CAMTA1: variants seen among roughly 807,000 people sequenced by gnomAD.
The protein encoded by CAMTA1 is calmodulin binding transcription activator 1.
In CAMTA1, 27 loss-of-function variants were observed where a neutral mutation model predicts 170.9. The observed-to-expected ratio is 0.16, with a 90% CI of 0.12 to 0.22. CAMTA1 has a LOEUF of 0.22. Among genes scored for constraint, CAMTA1 ranks in the 10% least tolerant of loss-of-function variants. The probability of loss-of-function intolerance (pLI) is 1.00; values close to 1 mark genes in which losing one functional copy is unlikely to be tolerated. For missense variants in CAMTA1, 1,619 were observed against 2,217.2 expected (o/e 0.73, Z 5.42); for synonymous variants, 833 against 891.5 (o/e 0.93, Z 1.17).
At chr1:7,308,146 G>A (rs1378494762) in intron 5 of CAMTA1, among the ~76,000 whole-genome samples, 5 of 151,634 alleles carry the variant, frequency 3.3e-5, no homozygotes, top group Admixed American at 6.6e-5. Context: ...ATTTATCTAT[G>A]TGAAGTTGTT....
intron 5 of CAMTA1, among the ~76,000 whole-genome samples, chr1:7,464,595 G>A (rs932881078): frequency 1.3e-5 from 2 of 152,156 alleles, no homozygotes; most frequent in African/African-American, 4.8e-5. Context: ...GGGCCAAGGG[G>A]TGAATGGAAG....
intron 3 of CAMTA1, among the ~76,000 whole-genome samples, chr1:7,022,967 A>G (rs1460178177): frequency 6.6e-6 from 1 of 152,180 alleles, no homozygotes; most frequent in African/African-American, 2.4e-5. Context: ...TGGAGTTTCC[A>G]CAGTAAACCC....
intron 5 of CAMTA1, among the ~76,000 whole-genome samples, chr1:7,277,399 G>C (rs757029442): frequency 2.0e-5 from 3 of 151,874 alleles, no homozygotes; most frequent in Non-Finnish European, 2.9e-5. Context: ...TCAGGGTTCA[G>C]TTTCTGAACT....
chr1:7,487,845 C>T (rs887158228), intron 6 of CAMTA1, among the ~76,000 whole-genome samples: 1 of 152,186 alleles, frequency 6.6e-6, no homozygotes, highest in African/African-American at 2.4e-5. Flanking sequence ...TCCCCTCTGT[C>T]CAGGTTCTTT....
chr1:7,495,584 C>T (rs1440907031), intron 6 of CAMTA1, among the ~76,000 whole-genome samples: 1 of 152,222 alleles, frequency 6.6e-6, no homozygotes, highest in Non-Finnish European at 1.5e-5. Flanking sequence ...CTCTTGATGC[C>T]TGGCCTCTCA....
At chr1:7,012,463 A>G (rs939890868) in intron 3 of CAMTA1, among the ~76,000 whole-genome samples, 1 of 152,000 alleles carries the variant, frequency 6.6e-6, no homozygotes, top group Admixed American at 6.6e-5. Flanking sequence ...CCGTCAGCAT[A>G]CAAACATGCC....
Position 7,673,769 on chromosome 1 carries a change from G to A in CAMTA1, c.2779+2732G>A, listed in dbSNP as rs1318484683. On this transcript the variant is annotated intron_variant, in intron 10 of 22. Transcript: ENST00000303635. The surrounding 1 kb of genome is among the most constrained non-coding windows in gnomAD (Gnocchi z 4.6). ...GGCCCAAATTGGAACACATTGCTCT[G>A]TAAAACAGCACTGGATGTATTAATT... Among the ~76,000 whole-genome samples, 1 of 150,254 alleles carries A rather than the reference G, an allele frequency of 6.7e-6. No homozygotes were observed. The highest frequency in any genetic ancestry group is 2.4e-5 in the African/African-American group (1 of 40,924).
intron 4 of CAMTA1, among the ~76,000 whole-genome samples, chr1:7,135,196 G>A (rs1321825552): frequency 6.6e-6 from 1 of 152,100 alleles, no homozygotes; most frequent in Non-Finnish European, 1.5e-5. Context: ...AGACCAGCCC[G>A]GCCATCATGG....
chr1:7,024,443 G>A lies in CAMTA1; in HGVS notation c.235-66861G>A, dbSNP rs901090086. ...ATAAAATGGGGAAAATGCAAGATAG[G>A]GGCTGGCCTGCTGTCTGTATTTTAG... On this transcript the variant is annotated intron_variant, in intron 3 of 22. Coordinates refer to ENST00000303635, the MANE Select transcript of CAMTA1 (RefSeq NM_015215.4). 2.6e-5 allele frequency among the ~76,000 whole-genome samples: 4 copies of A among 152,288 alleles called. No individual in the cohort carries two copies. The South Asian group carries it at 8.3e-4, about 32-fold the overall frequency.
At chr1:6,877,865 A>G (rs912194656) in intron 3 of CAMTA1, among the ~76,000 whole-genome samples, 5 of 152,306 alleles carry the variant, frequency 3.3e-5, no homozygotes, top group East Asian at 1.9e-4. Flanking sequence ...GGTAGGGGAA[A>G]CTACCAAGGT....
In CAMTA1 at chr1:7,754,331, G is replaced by A. The variant is rs114358927; in HGVS notation, c.4959-1307G>A. ...AACCAGAATGTCTGCAAGTTAAGTC[G>A]TGCTAGACTTTTTCCTCCTTTCTTC... On this transcript the variant is annotated intron_variant, in intron 21 of 22. Coordinates refer to ENST00000303635, the MANE Select transcript of CAMTA1 (RefSeq NM_015215.4). 9.9e-3 allele frequency among the ~76,000 whole-genome samples: 1,506 copies of A among 152,238 alleles called. 29 individuals carry two copies. Among genetic ancestry groups the A allele is most frequent in the African/African-American group, 0.034 (1,418 of 41,522 alleles).
chr1:7,718,294 G>A (rs189163934), intron 11 of CAMTA1, among the ~76,000 whole-genome samples: 1 of 152,192 alleles, frequency 6.6e-6, no homozygotes, highest in Admixed American at 6.5e-5. Context: ...CGTTCTGGCC[G>A]GATTCTCCAT....
intron 3 of CAMTA1, among the ~76,000 whole-genome samples, chr1:7,038,706 A>T (rs1703992870): frequency 6.6e-6 from 1 of 152,248 alleles, no homozygotes; most frequent in African/African-American, 2.4e-5. Context: ...TTGAAACATT[A>T]GTTTTTATAA....
chr1:7,536,794 C>CGCTGCCT (rs2094554524), intron 6 of CAMTA1, among the ~76,000 whole-genome samples: 1 of 152,188 alleles, frequency 6.6e-6, no homozygotes, highest in Non-Finnish European at 1.5e-5. Flanking sequence ...AGTGCTGCCC[C>CGCTGCCT]GCTGCCTGCA....
intron 7 of CAMTA1, among the ~76,000 whole-genome samples, chr1:7,648,099 G>C (rs913783175): frequency 2.6e-5 from 4 of 152,032 alleles, no homozygotes; most frequent in Non-Finnish European, 5.9e-5. Flanking sequence ...AAAGAAGAGA[G>C]AGAAGAGAAG....
chr1:7,385,210 C>T (rs997452296), intron 5 of CAMTA1, among the ~76,000 whole-genome samples: 1 of 151,842 alleles, frequency 6.6e-6, no homozygotes, highest in Non-Finnish European at 1.5e-5. Flanking sequence ...CTGCCTCAGC[C>T]TCCTGAGTAG....
Position 7,661,785 on chromosome 1 carries a change from C to G in CAMTA1, c.724C>G (p.Gln242Glu). The G allele has an allele frequency of 6.2e-7, 1 of 1,613,428 alleles. No individual in the cohort carries two copies. The highest frequency in any genetic ancestry group is 8.5e-7 in the Non-Finnish European group (1 of 1,179,826). Residue 242 changes from glutamine to glutamate, a missense_variant, in exon 8 of 23, where the codon CAG (glutamine) becomes GAG (glutamate). Physicochemically the swap from Gln to Glu is conservative, Grantham distance 29. Coordinates refer to ENST00000303635, the MANE Select transcript of CAMTA1 (RefSeq NM_015215.4). ...GNSSSGFSVEQLVQQILDSHQ... is the reference protein window; with the variant it reads ...GNSSSGFSVEELVQQILDSHQ... ...CAGCAGCTCAGGCTTCTCGGTGGAA[C>G]AGCTGGTGCAGCAGATCCTCGACAG...
chr1:7,438,761 T>A (rs1446968795), intron 5 of CAMTA1, among the ~76,000 whole-genome samples: 1 of 152,116 alleles, frequency 6.6e-6, no homozygotes. Context: ...AGGGTCCTGG[T>A]GGAGCAGAAA....
At position 7,010,571 on chromosome 1, in the gene CAMTA1, G is replaced by T. The variant is rs969166356; in HGVS notation, c.235-80733G>T. ...CAAATCTCGGACCCACTACTGACCAGCTGGGTGACGTTTCATTATCCATAA... is the reference window on the plus strand; with the variant it reads ...CAAATCTCGGACCCACTACTGACCATCTGGGTGACGTTTCATTATCCATAA... On this transcript the variant is annotated intron_variant, in intron 3 of 22. Transcript: ENST00000303635. The surrounding 1 kb of genome is among the most constrained non-coding windows in gnomAD (Gnocchi z 4.4). Among the ~76,000 whole-genome samples, 6 of 152,216 alleles carry T rather than the reference G, an allele frequency of 3.9e-5. No homozygotes were observed. Among genetic ancestry groups the T allele is most frequent in the Non-Finnish European group, 7.3e-5 (5 of 68,032 alleles).
Sources: gnomAD v4.1 joint callset for allele counts (sites outside exome capture counted in the v4.1 genomes callset) on GRCh38, gnomAD v4.1.1 for gene constraint, Gnocchi (gnomAD v3.1) non-coding constraint, MANE v1.5 for transcripts, NCBI Gene and HGNC (gene_info 2026-07-23, HGNC 2026-07-21) for gene names.